The following LAMA2 variants were observed in gnomAD, a reference collection of about 807,000 sequenced individuals.
LAMA2 encodes laminin subunit alpha 2.
In LAMA2, 269 loss-of-function variants were observed where a neutral mutation model predicts 364.8. That is an observed-to-expected ratio of 0.74 (90% CI 0.67 to 0.82). The LOEUF is 0.82. Ranked by LOEUF, LAMA2 falls within the 40% of genes least tolerant of loss-of-function variation. The pLI is 0.00. For synonymous variants in LAMA2, 1,379 were observed against 1,370.6 expected (o/e 1.01, Z -0.14); for missense variants, 3,807 against 3,873.2 (o/e 0.98, Z 0.45).
chr6:129,201,348 CAGAG>C (rs1020434752), intron 12 of LAMA2, among the ~76,000 whole-genome samples: 2 of 152,182 alleles, frequency 1.3e-5, no homozygotes, highest in Non-Finnish European at 2.9e-5. Context: ...CTGACCTGCA[CAGAG>C]AGAGAGACGA....
chr6:129,439,374 A>G (rs913261968), intron 42 of LAMA2, among the ~76,000 whole-genome samples: 15 of 152,006 alleles, frequency 9.9e-5, no homozygotes, highest in African/African-American at 3.6e-4. Flanking sequence ...GGACAACTGT[A>G]TTGTCTTCTG....
chr6:129,255,689 CA>C lies in LAMA2; in HGVS notation c.2096+3400del, dbSNP rs368472419. 3.1e-3 allele frequency among the ~76,000 whole-genome samples: 472 copies of C among 151,868 alleles called. 1 individual carries two copies. The highest frequency in any genetic ancestry group is 0.011 in the African/African-American group (448 of 41,422). Reference sequence around the variant, plus strand: ...TAGTGTAAATTTTGCGGTTTGGGATCAAAAAAGATTATACAGAATTTATATA... The same window carrying C: ...TAGTGTAAATTTTGCGGTTTGGGATCAAAAAGATTATACAGAATTTATATA... On this transcript the variant is annotated intron_variant, in intron 14 of 64. Coordinates refer to ENST00000421865, the MANE Select transcript of LAMA2 (RefSeq NM_000426.4).
At chr6:129,328,225 G>C in intron 28 of LAMA2, 53 bp from the exon 29 acceptor site, 1 of 1,483,208 alleles carries the variant, frequency 6.7e-7, no homozygotes, top group South Asian at 1.1e-5. Flanking sequence ...CTCAAGCGTT[G>C]CTAATGCAGT....
intron 53 of LAMA2, among the ~76,000 whole-genome samples, chr6:129,477,466 T>C (rs1384615510): frequency 1.3e-5 from 2 of 152,188 alleles, no homozygotes; most frequent in Non-Finnish European, 2.9e-5. Flanking sequence ...TTTGATTATG[T>C]AGGTACTATG....
intron 8 of LAMA2, among the ~76,000 whole-genome samples, chr6:129,159,457 C>G (rs1283099607): frequency 6.6e-6 from 1 of 152,186 alleles, no homozygotes; most frequent in African/African-American, 2.4e-5. Flanking sequence ...GGAGGCGCCC[C>G]GGCCGGGAGG....
intron 37 of LAMA2, among the ~76,000 whole-genome samples, chr6:129,397,740 C>T (rs1779732268): frequency 6.6e-6 from 1 of 151,238 alleles, no homozygotes; most frequent in Non-Finnish European, 1.5e-5. Flanking sequence ...ATGGTGAAAC[C>T]CCATCTCTAC....
At chr6:129,296,458 T>C (rs1040557255) in intron 20 of LAMA2, among the ~76,000 whole-genome samples, 151 of 152,146 alleles carry the variant, frequency 9.9e-4, no homozygotes, top group African/African-American at 3.2e-3. Context: ...CAACAGTAAA[T>C]GTAAAGATGA....
intron 29 of LAMA2, among the ~76,000 whole-genome samples, chr6:129,337,451 A>G (rs1026668421): frequency 1.2e-4 from 19 of 152,180 alleles, no homozygotes; most frequent in African/African-American, 4.3e-4. Flanking sequence ...CTTAATTTTC[A>G]TAGCTTCAGA....
chr6:128,898,699 A>G (rs1776911809), intron 1 of LAMA2, among the ~76,000 whole-genome samples: 1 of 152,224 alleles, frequency 6.6e-6, no homozygotes, highest in South Asian at 2.1e-4. Context: ...ATAGTAAATC[A>G]GATTAGATCT....
At position 129,050,042 on chromosome 6, in the gene LAMA2, G is replaced by A. The variant is rs201402165; in HGVS notation, c.237G>A (p.Arg79=). The A allele has an allele frequency of 9.5e-5, 154 of 1,614,022 alleles. No individual in the cohort carries two copies. Among genetic ancestry groups the A allele is most frequent in the South Asian group, 6.6e-5 (6 of 91,080 alleles). ...AACATGTCCCTGGGCAGCCTGTGAG[G>A]AACCCGCAGTGTCGAATCTGCAATC... The part of the protein sequence containing the change: ...LVEHVPGQPV[R]NPQCRICNQN... Residue 79 remains arginine (R), a synonymous_variant, in exon 2 of 65, where the codon AGG becomes AGA. Transcript: ENST00000421865.
intron 12 of LAMA2, among the ~76,000 whole-genome samples, chr6:129,202,958 A>G (rs767853707): frequency 6.6e-6 from 1 of 152,232 alleles, no homozygotes; most frequent in Non-Finnish European, 1.5e-5. Flanking sequence ...CTTTGTCACT[A>G]GTGCTAGCTG....
intron 35 of LAMA2, among the ~76,000 whole-genome samples, chr6:129,388,657 A>G (rs960048391): frequency 4.6e-5 from 7 of 152,188 alleles, no homozygotes; most frequent in African/African-American, 1.7e-4. Context: ...GATATTTCTT[A>G]TGAAAGCTGA....
In LAMA2 at chr6:129,287,842, C is replaced by T. The variant is rs768859539; in HGVS notation, c.2538-5C>T. The T allele has an allele frequency of 1.2e-6, 2 of 1,613,428 alleles. No individual in the cohort carries two copies. Among genetic ancestry groups the T allele is most frequent in the Non-Finnish European group, 1.7e-6 (2 of 1,179,516 alleles). On this transcript the variant is annotated splice_polypyrimidine_tract_variant and splice_region_variant and intron_variant, in intron 18 of 64. Transcript: ENST00000421865. ...AAGGCTCACTGATGAAATTTCTTGC[C>T]TTAGGTGTGCAGAAGGCTATTTTGG...
intron 7 of LAMA2, among the ~76,000 whole-genome samples, chr6:129,150,439 G>A (rs1778722385): frequency 6.6e-6 from 1 of 152,132 alleles, no homozygotes; most frequent in Non-Finnish European, 1.5e-5. Flanking sequence ...GAAGGTAGGG[G>A]TCTTCCTGTT....
At chr6:128,886,546 A>G (rs1776158777) in intron 1 of LAMA2, among the ~76,000 whole-genome samples, 2 of 150,750 alleles carry the variant, frequency 1.3e-5, no homozygotes, top group South Asian at 4.2e-4. Context: ...GAGAAGGGAG[A>G]GCAGAATGGT....
chr6:129,502,520 C>G, intron 58 of LAMA2, 139 bp from the exon 59 acceptor site: 1 of 672,280 alleles, frequency 1.5e-6, no homozygotes, highest in Non-Finnish European at 2.7e-6. Flanking sequence ...ACTTACTATG[C>G]AGTAGACTAC....
intron 1 of LAMA2, among the ~76,000 whole-genome samples, chr6:129,009,621 C>T (rs1010930221): frequency 2.0e-5 from 3 of 152,056 alleles, no homozygotes; most frequent in Non-Finnish European, 4.4e-5. Context: ...GGTTCAGGGC[C>T]AGAGGACAAA....
Position 129,503,203 on chromosome 6 carries a change from T to G in LAMA2, c.8470T>G (p.Tyr2824Asp). The change falls in exon 60 of 65, where the codon TAC becomes GAC. Residue 2824 changes from tyrosine to aspartate, a missense_variant. Coordinates refer to ENST00000421865, the MANE Select transcript of LAMA2 (RefSeq NM_000426.4). ...AGTTCAGCTGAGAAATGGATTGCCC[T>G]ACTTCAGCTATGACTTGGGGAGTGG... ...ATVQLRNGLP[Y>D]FSYDLGSGDT... 1.2e-6 allele frequency: 2 copies of G among 1,614,164 alleles called. No homozygotes were observed. The highest frequency in any genetic ancestry group is 8.5e-7 in the Non-Finnish European group (1 of 1,179,994).
At chr6:129,358,697 G>A (rs1324373510) in intron 32 of LAMA2, among the ~76,000 whole-genome samples, 1 of 151,962 alleles carries the variant, frequency 6.6e-6, no homozygotes, top group Non-Finnish European at 1.5e-5. Context: ...GATGTAAAAT[G>A]CTACATACAT....
Sources: allele counts gnomAD v4.1 joint callset (sites outside exome capture counted in the v4.1 genomes callset), GRCh38; gene constraint gnomAD v4.1.1; transcripts MANE v1.5; gene names NCBI Gene and HGNC (gene_info 2026-07-23, HGNC 2026-07-21).